Variants in RNLS observed in about 807,000 individuals in gnomAD.
RNLS encodes renalase, FAD dependent amine oxidase.
In RNLS, 39 loss-of-function variants were observed where a neutral mutation model predicts 39.8. That is an observed-to-expected ratio of 0.98 (90% CI 0.76 to 1.28). RNLS has a LOEUF of 1.28. RNLS is among the 50% of genes most tolerant of loss of function. The pLI, the probability that RNLS is intolerant of heterozygous loss-of-function variation, is 0.00. For missense variants in RNLS, 410 were observed against 413.3 expected, an observed-to-expected ratio of 0.99 and a Z score of 0.07; for synonymous variants, 147 against 150.7, an observed-to-expected ratio of 0.98 and a Z score of 0.18.
At chr10:88,574,102 C>G (rs1850018177) in intron 3 of RNLS, among the ~76,000 whole-genome samples, 1 of 152,138 alleles carries the variant, frequency 6.6e-6, no homozygotes, top group Non-Finnish European at 1.5e-5. Context: ...AATCGCACCA[C>G]TACCCTCCAG....
At chr10:88,484,848 C>A (rs983157823) in intron 4 of RNLS, among the ~76,000 whole-genome samples, 1 of 151,846 alleles carries the variant, frequency 6.6e-6, no homozygotes, top group Non-Finnish European at 1.5e-5. Flanking sequence ...TAAAGTATGG[C>A]AAAACTTTAA....
At chr10:88,376,104 G>A (rs1033690435) in intron 4 of RNLS, among the ~76,000 whole-genome samples, 2 of 152,210 alleles carry the variant, frequency 1.3e-5, no homozygotes, top group East Asian at 1.9e-4. Flanking sequence ...TCCTGTGATC[G>A]AAGTTAATCT....
the RNLS span, among the ~76,000 whole-genome samples, chr10:88,172,500 C>T: frequency 6.6e-6 from 1 of 152,010 alleles, no homozygotes; most frequent in Non-Finnish European, 1.5e-5. Context: ...CTATTCAGAT[C>T]CTTTCTCCAT....
chr10:88,322,724 A>G (rs1376732273), intron 5 of RNLS, among the ~76,000 whole-genome samples: 1 of 152,174 alleles, frequency 6.6e-6, no homozygotes, highest in African/African-American at 2.4e-5. Context: ...GAATGGGAGC[A>G]AGACAAGGAT....
chr10:88,250,685 T>C, the RNLS span, among the ~76,000 whole-genome samples: 2 of 152,358 alleles, frequency 1.3e-5, no homozygotes, highest in African/African-American at 4.8e-5. Flanking sequence ...AAAAACTTTG[T>C]GTGGACCAAC....
At chr10:88,376,406 T>C (rs1483098111) in intron 4 of RNLS, among the ~76,000 whole-genome samples, 1 of 152,158 alleles carries the variant, frequency 6.6e-6, no homozygotes, top group Non-Finnish European at 1.5e-5. Context: ...ATGAAGCAAA[T>C]AAAATATTTA....
At chr10:88,555,114 GGA>G (rs1482588789) in intron 4 of RNLS, among the ~76,000 whole-genome samples, 1 of 151,882 alleles carries the variant, frequency 6.6e-6, no homozygotes, top group Non-Finnish European at 1.5e-5. Context: ...GGAATTTCAT[GGA>G]GAGGGGAGGA....
chr10:88,504,358 T>A (rs1039839918), intron 4 of RNLS, among the ~76,000 whole-genome samples: 10 of 152,092 alleles, frequency 6.6e-5, no homozygotes, highest in African/African-American at 2.4e-4. Context: ...TTTCTTTTTT[T>A]TAAAAAAAGG....
chr10:88,277,835 A>G (rs561037148), intron 6 of RNLS, among the ~76,000 whole-genome samples: 6 of 152,238 alleles, frequency 3.9e-5, no homozygotes, highest in African/African-American at 1.4e-4. Flanking sequence ...TCTTAATTTA[A>G]TGTTTTTTAT....
the RNLS span, among the ~76,000 whole-genome samples, chr10:88,226,165 A>G: frequency 6.6e-6 from 1 of 152,230 alleles, no homozygotes. Context: ...TCATTGCCAG[A>G]TATTACAATC....
chr10:88,291,576 T>G (rs1242664076), intron 6 of RNLS, among the ~76,000 whole-genome samples: 1 of 152,178 alleles, frequency 6.6e-6, no homozygotes, highest in Non-Finnish European at 1.5e-5. Context: ...CTCTCTTCCG[T>G]GCCTCAGGCA....
In RNLS at chr10:88,484,905, T is replaced by C. The variant is rs1844400693; in HGVS notation, c.526+87998A>G. Among the ~76,000 whole-genome samples the C allele has an allele frequency of 3.3e-5, 5 of 152,012 alleles. No individual in the cohort carries two copies. The South Asian group carries it at 1.0e-3, about 31-fold the overall frequency. On this transcript the variant is annotated intron_variant, in intron 4 of 6. Coordinates refer to ENST00000331772, the MANE Select transcript of RNLS (RefSeq NM_001031709.3). ...TCTCCATGTATTTATATCTTCAATT[T>C]TGCTTAGCAATTTTGTTTGTTTGTT...
At chr10:88,200,370 C>G in the RNLS span, among the ~76,000 whole-genome samples, 6,878 of 152,220 alleles carry the variant, frequency 0.045, 224 homozygotes, top group East Asian at 0.09. Flanking sequence ...AACCAGCAGT[C>G]CTAGGAAGTA....
chr10:88,507,345 A>G (rs1205160426), intron 4 of RNLS, among the ~76,000 whole-genome samples: 1 of 152,190 alleles, frequency 6.6e-6, no homozygotes, highest in Non-Finnish European at 1.5e-5. Context: ...ATTGAAAAAT[A>G]CAAAACAGTA....
In RNLS at chr10:88,540,031, T is replaced by C. The variant is rs1325350242; in HGVS notation, c.526+32872A>G. Among the ~76,000 whole-genome samples the C allele has an allele frequency of 5.9e-5, 9 of 152,258 alleles. No individual in the cohort carries two copies. In the East Asian group the frequency reaches 7.7e-4, roughly 13 times the overall value. Reference sequence around the variant, plus strand: ...TAATTCAAATATAAAAGTTATATTGTGGTAAAAAGTATCTCAAATAATTCT... The same window carrying C: ...TAATTCAAATATAAAAGTTATATTGCGGTAAAAAGTATCTCAAATAATTCT... On this transcript the variant is annotated intron_variant, in intron 4 of 6. Transcript: ENST00000331772.
chr10:88,545,956 A>G (rs1848285422), intron 4 of RNLS, among the ~76,000 whole-genome samples: 1 of 152,150 alleles, frequency 6.6e-6, no homozygotes, highest in African/African-American at 2.4e-5. Flanking sequence ...CTGAGTCACC[A>G]TTCATTCATT....
chr10:88,533,947 T>G (rs2134251467), intron 4 of RNLS, among the ~76,000 whole-genome samples: 1 of 151,956 alleles, frequency 6.6e-6, no homozygotes, highest in South Asian at 2.1e-4. Flanking sequence ...AAAACGAAGG[T>G]CCAAGACAAA....
chr10:88,446,506 A>C (rs539968664), intron 4 of RNLS, among the ~76,000 whole-genome samples: 6 of 152,366 alleles, frequency 3.9e-5, no homozygotes, highest in African/African-American at 1.4e-4. Flanking sequence ...AAACCCTTCA[A>C]AAAATTAATG....
At chr10:88,494,015 C>T (rs191993937) in intron 4 of RNLS, among the ~76,000 whole-genome samples, 20 of 152,100 alleles carry the variant, frequency 1.3e-4, no homozygotes, top group African/African-American at 4.6e-4. Flanking sequence ...GATATGCATG[C>T]CAAGAGCCAT....
Sources: allele counts gnomAD v4.1 joint callset (sites outside exome capture counted in the v4.1 genomes callset), GRCh38; gene constraint gnomAD v4.1.1; transcripts MANE v1.5; gene names NCBI Gene and HGNC (gene_info 2026-07-23, HGNC 2026-07-21).